RBFOX2: variants seen among roughly 807,000 people sequenced by gnomAD.
The protein encoded by RBFOX2 is RNA binding fox-1 homolog 2.
Under a neutral mutation model 49.1 loss-of-function variants are expected in RBFOX2, and 10 were observed. The ratio of observed to expected loss-of-function variants is 0.20; its 90% CI spans 0.13 to 0.35. RBFOX2 has a LOEUF of 0.35. Among genes scored for constraint, RBFOX2 ranks in the 10% least tolerant of loss-of-function variants. The pLI, the probability that RBFOX2 is intolerant of heterozygous loss-of-function variation, is 1.00. For synonymous variants in RBFOX2, 183 were observed against 187.4 expected (o/e 0.98, Z 0.19); for missense variants, 323 against 486.9 (o/e 0.66, Z 3.17).
At chr22:35,793,796 G>A (rs541501763) in intron 2 of RBFOX2, among the ~76,000 whole-genome samples, 3 of 152,238 alleles carry the variant, frequency 2.0e-5, no homozygotes, top group African/African-American at 7.2e-5. Flanking sequence ...AATCCTGTTT[G>A]GGCATTCAAA....
chr22:35,977,070 T>A (rs1248853546), intron 1 of RBFOX2, among the ~76,000 whole-genome samples: 1 of 151,222 alleles, frequency 6.6e-6, no homozygotes, highest in Non-Finnish European at 1.5e-5. Context: ...CTGACAAATA[T>A]GCAAATGAAA....
chr22:35,744,297 G>A lies in RBFOX2; in HGVS notation c.1050-48C>T, dbSNP rs527248694. 92 of 1,502,510 alleles carry A rather than the reference G, an allele frequency of 6.1e-5. 1 individual carries two copies. The highest frequency in any genetic ancestry group is 4.8e-4 in the Admixed American group (25 of 51,558). The allele number at this position is 1,502,510 out of a possible 1,614,324, so 93.1% of individuals were successfully genotyped here. A position where few individuals can be genotyped will look rare whatever the true frequency, so the allele number is the denominator to read the frequency against. On this transcript the variant is annotated intron_variant, in intron 11 of 11. Transcript: ENST00000405409. ...AATAATTAAAAGGTTGATGAGAGAA[G>A]CATTAACAGTGAAGAAAAATGTCCA...
intron 2 of RBFOX2, among the ~76,000 whole-genome samples, chr22:35,807,359 C>T (rs1950948759): frequency 6.6e-6 from 1 of 151,408 alleles, no homozygotes; most frequent in Non-Finnish European, 1.5e-5. Context: ...TCTAGTAAAC[C>T]ATAAAACAAG....
intron 1 of RBFOX2, among the ~76,000 whole-genome samples, chr22:35,924,942 G>A (rs2149618021): frequency 6.6e-6 from 1 of 152,288 alleles, no homozygotes; most frequent in South Asian, 2.1e-4. Flanking sequence ...GGGAAGCCGA[G>A]GTGGGCGGAT....
At chr22:35,833,949 C>T (rs1957216503) in intron 1 of RBFOX2, among the ~76,000 whole-genome samples, 1 of 152,022 alleles carries the variant, frequency 6.6e-6, no homozygotes, top group South Asian at 2.1e-4. Context: ...TACTTTATTA[C>T]ATATTATAAG....
At chr22:35,958,539 T>A (rs1396910566) in intron 1 of RBFOX2, among the ~76,000 whole-genome samples, 1 of 152,214 alleles carries the variant, frequency 6.6e-6, no homozygotes, top group Non-Finnish European at 1.5e-5. Context: ...CTGCCAACTC[T>A]CTGACCTAGA....
intron 1 of RBFOX2, among the ~76,000 whole-genome samples, chr22:35,874,915 A>G (rs932567663): frequency 6.6e-5 from 10 of 152,198 alleles, no homozygotes; most frequent in Non-Finnish European, 2.9e-5. Context: ...TAAGGAAATA[A>G]TTAATGTTAA....
intron 2 of RBFOX2, among the ~76,000 whole-genome samples, chr22:35,784,974 A>G (rs957210764): frequency 6.6e-6 from 1 of 152,158 alleles, no homozygotes; most frequent in African/African-American, 2.4e-5. Context: ...AAGGGTGGAC[A>G]TGCATTTATT....
rs1365735830 is a variant in RBFOX2 at position 35,760,300 on chromosome 22, T to C, written c.755-280A>G. On this transcript the variant is annotated intron_variant, in intron 8 of 11. Coordinates refer to ENST00000405409, the Ensembl canonical transcript of RBFOX2. ...TTCCTTCTCAATTTCAGCTTTACAA[T>C]GCAAGCTGCTGAGAAACAGGTCAAG... Among the ~76,000 whole-genome samples, 4 of 152,170 alleles carry C rather than the reference T, an allele frequency of 2.6e-5. No individual in the cohort carries two copies. The East Asian group carries it at 7.7e-4, about 29-fold the overall frequency.
chr22:35,890,217 A>T (rs2047079685), intron 1 of RBFOX2, among the ~76,000 whole-genome samples: 1 of 152,180 alleles, frequency 6.6e-6, no homozygotes, highest in Non-Finnish European at 1.5e-5. Flanking sequence ...TGATGAAAAC[A>T]GAATTCAGGT....
chr22:35,839,058 A>C lies in RBFOX2; in HGVS notation c.27+1134T>G, dbSNP rs142281915. On this transcript the variant is annotated intron_variant, in intron 1 of 11. Transcript: ENST00000405409. The stretch of plus-strand genomic sequence containing the variant: ...AGAAGAGAGAACACAAAAAAAGGGC[A>C]ACCTCCTTAAAAGGAAAGCACTGTC... Among the ~76,000 whole-genome samples the C allele has an allele frequency of 5.5e-4, 84 of 152,310 alleles. No homozygotes were observed. In the East Asian group the frequency reaches 7.3e-3, roughly 13 times the overall value.
intron 1 of RBFOX2, among the ~76,000 whole-genome samples, chr22:35,880,286 T>C (rs1033261708): frequency 6.6e-6 from 1 of 152,180 alleles, no homozygotes; most frequent in Non-Finnish European, 1.5e-5. Flanking sequence ...AGGTTTTTTT[T>C]AGCTCAAGTA....
chr22:35,811,349 G>A (rs910486012), intron 1 of RBFOX2, among the ~76,000 whole-genome samples: 1 of 152,060 alleles, frequency 6.6e-6, no homozygotes, highest in Non-Finnish European at 1.5e-5. Flanking sequence ...TTAAAGTGAT[G>A]TCATGAGGGT....
chr22:35,950,871 GATCTAT>G (rs1196023418), intron 1 of RBFOX2, among the ~76,000 whole-genome samples: 1 of 151,498 alleles, frequency 6.6e-6, no homozygotes, highest in Non-Finnish European at 1.5e-5. Context: ...AGATACAGCA[GATCTAT>G]ATCTGCTGTT....
At chr22:35,835,268 G>A (rs1309812555) in intron 1 of RBFOX2, among the ~76,000 whole-genome samples, 1 of 152,200 alleles carries the variant, frequency 6.6e-6, no homozygotes, top group Admixed American at 6.5e-5. Context: ...AGATCCCGGA[G>A]AGGAATGGTA....
chr22:35,753,902 C>T (rs1180358405), intron 9 of RBFOX2, among the ~76,000 whole-genome samples: 2 of 150,784 alleles, frequency 1.3e-5, no homozygotes, highest in East Asian at 3.9e-4. Flanking sequence ...CCTGCCTTGG[C>T]CTCCCAAGTA....
chr22:35,922,154 C>G (rs929928857), intron 1 of RBFOX2, among the ~76,000 whole-genome samples: 3 of 152,178 alleles, frequency 2.0e-5, no homozygotes, highest in Non-Finnish European at 4.4e-5. Context: ...AAGTGAACAG[C>G]ATTTAGCATA....
At chr22:35,839,011 C>T (rs1160209125) in intron 1 of RBFOX2, among the ~76,000 whole-genome samples, 2 of 152,122 alleles carry the variant, frequency 1.3e-5, no homozygotes, top group Admixed American at 6.5e-5. Context: ...TCTCGCCCTC[C>T]GGTGGTTACT....
chr22:35,836,949 T>C (rs987258408), intron 1 of RBFOX2, among the ~76,000 whole-genome samples: 3 of 152,228 alleles, frequency 2.0e-5, no homozygotes, highest in Non-Finnish European at 4.4e-5. Context: ...AATAATCTGG[T>C]CTATATGCCC....
Sources: gnomAD v4.1 joint callset for allele counts (sites outside exome capture counted in the v4.1 genomes callset) on GRCh38, gnomAD v4.1.1 for gene constraint, MANE v1.5 for transcripts, NCBI Gene and HGNC (gene_info 2026-07-23, HGNC 2026-07-21) for gene names.